The following PPM1D variants were observed in gnomAD, a reference collection of about 807,000 sequenced individuals.
PPM1D encodes the protein protein phosphatase, Mg2+/Mn2+ dependent 1D.
A neutral mutation model predicts 58.3 loss-of-function variants in PPM1D; 52 were observed. That is an observed-to-expected ratio of 0.89 (90% CI 0.71 to 1.12). The LOEUF is 1.12. PPM1D is among the 50% of genes most tolerant of loss of function. The pLI, the probability that PPM1D is intolerant of heterozygous loss-of-function variation, is 0.00. For missense variants in PPM1D, 564 were observed against 777.2 expected, an observed-to-expected ratio of 0.73 and a Z score of 3.26; for synonymous variants, 278 against 285.1, an observed-to-expected ratio of 0.98 and a Z score of 0.25.
intron 1 of PPM1D, among the ~76,000 whole-genome samples, chr17:60,603,387 A>G (rs985368788): frequency 2.6e-5 from 4 of 152,210 alleles, no homozygotes; most frequent in Non-Finnish European, 5.9e-5. Context: ...TTAAAGAAAA[A>G]ACACTTTTTT....
At position 60,663,013 on chromosome 17, in the gene PPM1D, T is replaced by C. The variant is rs1567979385; in HGVS notation, c.1279T>C (p.Trp427Arg). 1.2e-6 allele frequency: 2 copies of C among 1,607,720 alleles called. No homozygotes were observed. Among genetic ancestry groups the C allele is most frequent in the Admixed American group, 1.7e-5 (1 of 58,332 alleles). ...TTTTCAGTCACTGGAGGAGGATCCA[T>C]GGCCAAGGGTGAATTCTAAGGACCA... Reference protein sequence around the residue: ...PPVKSLEEDPWPRVNSKDHIP... With the variant: ...PPVKSLEEDPRPRVNSKDHIP... The change falls in exon 6 of 6, where the codon TGG (tryptophan) becomes CGG (arginine). Residue 427 changes from tryptophan (W) to arginine (R), a missense_variant. This residue lies in a region of PPM1D where 261 missense variants were observed against 270.1 expected (regional missense o/e 0.97). Transcript: ENST00000305921.
chr17:60,627,305 T>G (rs1002256087), intron 2 of PPM1D, among the ~76,000 whole-genome samples: 3 of 152,248 alleles, frequency 2.0e-5, no homozygotes, highest in African/African-American at 7.2e-5. Flanking sequence ...TTGCCCAGGC[T>G]GCAGTGCAGT....
intron 3 of PPM1D, among the ~76,000 whole-genome samples, chr17:60,636,828 A>G (rs539854155): frequency 6.6e-6 from 1 of 151,768 alleles, no homozygotes; most frequent in African/African-American, 2.4e-5. Context: ...GGTGCATGCC[A>G]TCACACCCAA....
At chr17:60,609,302 C>T (rs1598399237) in intron 1 of PPM1D, among the ~76,000 whole-genome samples, 1 of 151,892 alleles carries the variant, frequency 6.6e-6, no homozygotes, top group East Asian at 1.9e-4. Flanking sequence ...ACCATGTTGG[C>T]CAGGCTGGTC....
At chr17:60,601,391 G>A (rs1336566273) in intron 1 of PPM1D, among the ~76,000 whole-genome samples, 1 of 152,188 alleles carries the variant, frequency 6.6e-6, no homozygotes, top group Admixed American at 6.5e-5. Flanking sequence ...GGAGTAAAGC[G>A]TAAGCTAATT....
At chr17:60,618,289 T>C (rs2030626600) in intron 1 of PPM1D, among the ~76,000 whole-genome samples, 2 of 152,182 alleles carry the variant, frequency 1.3e-5, no homozygotes, top group African/African-American at 2.4e-5. Flanking sequence ...GTATTTGTTG[T>C]GTATGTATGT....
chr17:60,610,691 A>C (rs535756638), intron 1 of PPM1D, among the ~76,000 whole-genome samples: 1 of 152,326 alleles, frequency 6.6e-6, no homozygotes, highest in Non-Finnish European at 1.5e-5. Context: ...CTTCAACAGC[A>C]GAGTTGAATA....
At chr17:60,609,752 T>G (rs2030415898) in intron 1 of PPM1D, among the ~76,000 whole-genome samples, 1 of 152,234 alleles carries the variant, frequency 6.6e-6, no homozygotes, top group Non-Finnish European at 1.5e-5. Flanking sequence ...TATGTTCAAG[T>G]GACTCTTATT....
chr17:60,631,237 T>C (rs2030914364), intron 2 of PPM1D, among the ~76,000 whole-genome samples: 1 of 152,106 alleles, frequency 6.6e-6, no homozygotes, highest in African/African-American at 2.4e-5. Flanking sequence ...GGAGCATCAC[T>C]TGAGCCTGGG....
chr17:60,630,092 G>A (rs944190812), intron 2 of PPM1D, among the ~76,000 whole-genome samples: 20 of 151,966 alleles, frequency 1.3e-4, no homozygotes, highest in Admixed American at 1.2e-3. Flanking sequence ...TAATCCTAGC[G>A]CTTTGGAGGC....
intron 3 of PPM1D, among the ~76,000 whole-genome samples, chr17:60,646,689 A>G (rs1177608908): frequency 6.6e-6 from 1 of 152,138 alleles, no homozygotes; most frequent in East Asian, 1.9e-4. Context: ...AGTTTTATTG[A>G]TCTTTTTTAT....
At chr17:60,612,050 G>T (rs1287974085) in intron 1 of PPM1D, among the ~76,000 whole-genome samples, 1 of 151,540 alleles carries the variant, frequency 6.6e-6, no homozygotes, top group African/African-American at 2.4e-5. Flanking sequence ...TTTAAAAAAA[G>T]AAAACAGATT....
intron 2 of PPM1D, among the ~76,000 whole-genome samples, chr17:60,632,078 C>G (rs192466296): frequency 1.3e-5 from 2 of 151,964 alleles, no homozygotes; most frequent in Admixed American, 1.3e-4. Context: ...CTCATAGTCC[C>G]AGCTACTCGG....
At chr17:60,620,879 T>C (rs1452382222) in intron 1 of PPM1D, among the ~76,000 whole-genome samples, 1 of 151,988 alleles carries the variant, frequency 6.6e-6, no homozygotes, top group Non-Finnish European at 1.5e-5. Context: ...TTTCCTTATG[T>C]TTTTTTTCTA....
intron 1 of PPM1D, among the ~76,000 whole-genome samples, chr17:60,616,424 A>G (rs1381369226): frequency 6.6e-6 from 1 of 152,096 alleles, no homozygotes; most frequent in Non-Finnish European, 1.5e-5. Context: ...CCTGGCGAAC[A>G]TGGTGAAATC....
At chr17:60,658,002 A>G (rs1351939871) in intron 5 of PPM1D, among the ~76,000 whole-genome samples, 1 of 152,110 alleles carries the variant, frequency 6.6e-6, no homozygotes, top group Non-Finnish European at 1.5e-5. Flanking sequence ...CGGCCTCCCA[A>G]AGTGCTGGTA....
chr17:60,645,588 GTATA>G (rs1189398312), intron 3 of PPM1D, among the ~76,000 whole-genome samples: 7 of 132,134 alleles, frequency 5.3e-5, no homozygotes, highest in Admixed American at 1.6e-4. Flanking sequence ...ATATATGTGT[GTATA>G]TATATGTATA....
At chr17:60,622,383 T>C (rs1393898906) in intron 1 of PPM1D, among the ~76,000 whole-genome samples, 2 of 152,246 alleles carry the variant, frequency 1.3e-5, no homozygotes, top group Non-Finnish European at 2.9e-5. Context: ...TTCTAACATT[T>C]ACATTCTGTC....
At position 60,648,020 on chromosome 17, in the gene PPM1D, A is replaced by G; in HGVS notation, c.955A>G (p.Met319Val). ...IILGSDGLWN[M>V]IPPQDAISMC... ...ATTGGGGAGTGATGGACTTTGGAAT[A>G]TGATTCCACCACAAGATGCCATCTC... is the stretch of plus-strand genomic sequence containing the variant. Residue 319 changes from methionine to valine, a missense_variant, in exon 4 of 6, where the codon ATG becomes GTG. Met to Val is a conservative substitution (Grantham distance 21, BLOSUM62 1). Around this residue, in one of 7 missense-constraint regions of PPM1D, gnomAD observed 34 missense variants for 34.3 expected, o/e 0.99. Transcript: ENST00000305921. 1 of 1,614,012 alleles carries G rather than the reference A, an allele frequency of 6.2e-7. No homozygotes were observed. The highest frequency in any genetic ancestry group is 8.5e-7 in the Non-Finnish European group (1 of 1,179,990).
Sources: allele counts gnomAD v4.1 joint callset (sites outside exome capture counted in the v4.1 genomes callset), GRCh38; gene constraint gnomAD v4.1.1; regional missense constraint gnomAD v4.1.1; transcripts MANE v1.5; gene names NCBI Gene and HGNC (gene_info 2026-07-23, HGNC 2026-07-21).